Variants in DENND3 observed in about 807,000 individuals in gnomAD.
DENND3 encodes the protein DENN domain-containing protein 3.
A neutral mutation model predicts 135.1 loss-of-function variants in DENND3; 88 were observed. That is an observed-to-expected ratio of 0.65 (90% confidence interval 0.55 to 0.78). The LOEUF is 0.78. Among genes scored for constraint, DENND3 ranks in the 30% least tolerant of loss-of-function variants. The pLI, the probability that DENND3 is intolerant of heterozygous loss-of-function variation, is 0.00. For missense variants in DENND3, 1,392 were observed against 1,688.4 expected (o/e 0.82, Z 3.08); for synonymous variants, 693 against 712.3 (o/e 0.97, Z 0.43).
intron 22 of DENND3, 102 bp downstream of exon 22, chr8:141,192,765 C>G (rs531072833): frequency 6.2e-7 from 1 of 1,603,414 alleles, no homozygotes; most frequent in Non-Finnish European, 8.5e-7. Context: ...CTCGTGCCCT[C>G]CTGCCTTCGC....
chr8:141,160,881 A>G, intron 9 of DENND3, 94 bp downstream of exon 9: 3 of 1,465,124 alleles, frequency 2.0e-6, no homozygotes, highest in South Asian at 1.4e-5. Context: ...AGGGCAGGCC[A>G]TTAGTACCAT....
intron 8 of DENND3, chr8:141,158,056 A>G: frequency 1.7e-6 from 2 of 1,198,506 alleles, no homozygotes; most frequent in Non-Finnish European, 1.1e-6. Flanking sequence ...CACCGCGCCC[A>G]GTCGGAGAAC....
chr8:141,170,573 G>A (rs913479807), intron 13 of DENND3, among the ~76,000 whole-genome samples: 1 of 152,188 alleles, frequency 6.6e-6, no homozygotes, highest in Non-Finnish European at 1.5e-5. Flanking sequence ...TGTGGAGTCC[G>A]ATGAGGGTGA....
At chr8:141,188,216 C>T (rs57646372) in intron 18 of DENND3, 31,449 of 152,212 alleles carry the variant, frequency 0.21, 4,004 homozygotes, top group African/African-American at 0.36. Flanking sequence ...CAGAGTGAGA[C>T]TCTGTCTCAA....
intron 1 of DENND3, among the ~76,000 whole-genome samples, chr8:141,131,092 A>G (rs1332794098): frequency 1.3e-5 from 2 of 152,174 alleles, no homozygotes; most frequent in Non-Finnish European, 2.9e-5. Flanking sequence ...TATGAGGAAT[A>G]TCCAGCTTCA....
At position 141,182,933 on chromosome 8, in the gene DENND3, C is replaced by T. The variant is rs955205478; in HGVS notation, c.2944+2079C>T. 4.6e-5 allele frequency among the ~76,000 whole-genome samples: 7 copies of T among 152,176 alleles called. No individual in the cohort carries two copies. Among genetic ancestry groups the T allele is most frequent in the African/African-American group, 1.7e-4 (7 of 41,440 alleles). On this transcript the variant is annotated intron_variant, in intron 17 of 22. Coordinates refer to ENST00000519811, the MANE Select transcript of DENND3 (RefSeq NM_001352890.3). This position sits in a 1 kb window ranked among gnomAD's most constrained non-coding sequence, Gnocchi z 5.9. ...GGAGCAACAGACCACTGGAATCGCA[C>T]CCCAGAAAGACCGGGAGGCCTGCCC...
chr8:141,144,185 G>T lies in DENND3; in HGVS notation c.661G>T (p.Val221Leu). ...TCTGAAGCCCTGTAAAGATTTTGAA[G>T]TGGACAGTCATATAAAAGATTTCGC... ...ALLKPCKDFEVDSHIKDFAAK... is the reference protein window; with the variant it reads ...ALLKPCKDFELDSHIKDFAAK... The change falls in exon 5 of 23, where the codon GTG (valine) becomes TTG (leucine). Residue 221 changes from valine to leucine, a missense_variant. By Grantham distance (32) the Val-to-Leu change is conservative (BLOSUM62 1). Transcript: ENST00000519811. The surrounding 1 kb of genome is among the most constrained non-coding windows in gnomAD (Gnocchi z 4.4). 1.2e-6 allele frequency: 2 copies of T among 1,613,796 alleles called. No homozygotes were observed. Among genetic ancestry groups the T allele is most frequent in the Non-Finnish European group, 1.7e-6 (2 of 1,179,926 alleles).
chr8:141,191,679 C>T (rs764276253), intron 20 of DENND3: 4 of 152,420 alleles, frequency 2.6e-5, no homozygotes, highest in Non-Finnish European at 5.9e-5. Flanking sequence ...GCCCGGTGCC[C>T]GCTGACGCCT....
At position 141,189,130 on chromosome 8, in the gene DENND3, G is replaced by A. The variant is rs76337474; in HGVS notation, c.3229G>A (p.Gly1077Arg). 2.2e-3 allele frequency: 3,562 copies of A among 1,614,196 alleles called. 84 individuals are homozygous for A. The East Asian group carries it at 0.043, about 19-fold the overall frequency. Reference sequence around the variant, plus strand: ...TGTCACGGATTTGATTGTGCAGGACGGACAGGAGGCACCCAGGTGCAGTAA... The same window carrying A: ...TGTCACGGATTTGATTGTGCAGGACAGACAGGAGGCACCCAGGTGCAGTAA... Reference protein sequence around the residue: ...SSVTDLIVQDGQEAPSNVYSC... With the variant: ...SSVTDLIVQDRQEAPSNVYSC... The change falls in exon 19 of 23, where the codon GGA (glycine) becomes AGA (arginine). Residue 1077 changes from glycine to arginine, a missense_variant. By Grantham distance (125) the Gly-to-Arg change is moderately radical. Transcript: ENST00000519811.
chr8:141,156,753 C>T (rs374169520), intron 8 of DENND3, among the ~76,000 whole-genome samples: 4 of 151,876 alleles, frequency 2.6e-5, no homozygotes, highest in Admixed American at 1.3e-4. Context: ...CTTTCACTCC[C>T]GCCACTGTAT....
chr8:141,170,490 C>G (rs547936354), intron 13 of DENND3, among the ~76,000 whole-genome samples: 1 of 152,202 alleles, frequency 6.6e-6, no homozygotes, highest in Non-Finnish European at 1.5e-5. Context: ...ATTGTGCGCT[C>G]ACTGATCCCT....
chr8:141,183,730 T>G (rs1200652506), intron 17 of DENND3, among the ~76,000 whole-genome samples: 5 of 144,706 alleles, frequency 3.5e-5, no homozygotes, highest in African/African-American at 1.4e-4. Flanking sequence ...GTCAGTTTTT[T>G]GTTTTGTTTT....
chr8:141,155,877 T>C lies in DENND3; in HGVS notation c.1103T>C (p.Ile368Thr). Residue 368 changes from isoleucine to threonine, a missense_variant, in exon 8 of 23, where the codon ATT becomes ACT. By Grantham distance (89) the Ile-to-Thr change is moderately conservative. Coordinates refer to ENST00000519811, the MANE Select transcript of DENND3 (RefSeq NM_001352890.3). ...GCCGACGGTTTAGTTCTGATAAATA[T>C]TGATCATGGGAGCATCACCTACTCC... ...KEADGLVLIN[I>T]DHGSITYSKS... 1.2e-6 allele frequency: 2 copies of C among 1,610,228 alleles called. No homozygotes were observed. Among genetic ancestry groups the C allele is most frequent in the Non-Finnish European group, 1.7e-6 (2 of 1,177,862 alleles).
chr8:141,163,464 G>A (rs747130231), intron 10 of DENND3, 35 bp downstream of exon 10: 2 of 1,318,588 alleles, frequency 1.5e-6, no homozygotes, highest in East Asian at 4.6e-5. Flanking sequence ...GCCTGTGTGT[G>A]TTCAATCCAT....
chr8:141,176,266 T>TA (rs200320997), intron 14 of DENND3: 9,446 of 125,484 alleles, frequency 0.075, 336 homozygotes, highest in African/African-American at 0.23. Context: ...GAGATGGAAG[T>TA]AAAAAAAAAC....
Position 141,144,196 on chromosome 8 carries a change from T to C in DENND3, c.672T>C (p.His224=), listed in dbSNP as rs199601114. ...KPCKDFEVDS[H]IKDFAAKLSL... is the part of the protein sequence containing the mutation. ...GTAAAGATTTTGAAGTGGACAGTCATATAAAAGATTTCGCTGCGAAGCTGT... is the reference window on the plus strand; with the variant it reads ...GTAAAGATTTTGAAGTGGACAGTCACATAAAAGATTTCGCTGCGAAGCTGT... Residue 224 remains histidine (H), a synonymous_variant, in exon 5 of 23, where the codon CAT becomes CAC. Transcript: ENST00000519811. This position sits in a 1 kb window ranked among gnomAD's most constrained non-coding sequence, Gnocchi z 4.4. The C allele has an allele frequency of 6.2e-6, 10 of 1,614,042 alleles. No individual in the cohort carries two copies. Among genetic ancestry groups the C allele is most frequent in the Non-Finnish European group, 7.6e-6 (9 of 1,179,980 alleles).
At chr8:141,161,331 G>T (rs577941697) in intron 9 of DENND3, among the ~76,000 whole-genome samples, 3 of 152,158 alleles carry the variant, frequency 2.0e-5, no homozygotes, top group Non-Finnish European at 4.4e-5. Flanking sequence ...GGACGGGTGG[G>T]GCACTCAAGA....
chr8:141,174,485 A>T lies in DENND3; in HGVS notation c.2276-715A>T, dbSNP rs1822067433. On this transcript the variant is annotated intron_variant, in intron 13 of 22. Coordinates refer to ENST00000519811, the MANE Select transcript of DENND3 (RefSeq NM_001352890.3). The surrounding 1 kb of genome is among the most constrained non-coding windows in gnomAD (Gnocchi z 4.6). ...TGCCGGCAGGGACTTGGGATTTCCG[A>T]GGGGTCGTCCCATCTCCCGCTGACA... Among the ~76,000 whole-genome samples the T allele has an allele frequency of 6.6e-6, 1 of 152,056 alleles. No individual in the cohort carries two copies. The highest frequency in any genetic ancestry group is 2.4e-5 in the African/African-American group (1 of 41,392).
chr8:141,165,104 G>A, intron 10 of DENND3, 82 bp from the exon 11 acceptor site: 1 of 1,042,220 alleles, frequency 9.6e-7, no homozygotes, highest in Non-Finnish European at 1.5e-6. Flanking sequence ...GCCCAGTTCT[G>A]TGCCAGGAAG....
Sources: gnomAD v4.1 joint callset for allele counts (sites outside exome capture counted in the v4.1 genomes callset) on GRCh38, gnomAD v4.1.1 for gene constraint, Gnocchi (gnomAD v3.1) non-coding constraint, MANE v1.5 for transcripts, NCBI Gene and HGNC (gene_info 2026-07-23, HGNC 2026-07-21) for gene names.